CAPRIN2: variants seen among roughly 807,000 people sequenced by gnomAD.
CAPRIN2 encodes caprin family member 2, also known as caprin-2.
In CAPRIN2, 66 loss-of-function variants were observed where a neutral mutation model predicts 130.4. The observed-to-expected ratio is 0.51, with a 90% CI of 0.42 to 0.62. CAPRIN2 has a LOEUF of 0.62. Ranked by LOEUF, CAPRIN2 falls within the 20% of genes least tolerant of loss-of-function variation. CAPRIN2 has a pLI of 0.00. For missense variants in CAPRIN2, 1,185 were observed against 1,246.6 expected (o/e 0.95, Z 0.74); for synonymous variants, 471 against 444.1 (o/e 1.06, Z -0.76).
intron 10 of CAPRIN2, among the ~76,000 whole-genome samples, chr12:30,723,958 T>C (rs576719445): frequency 3.0e-4 from 45 of 152,344 alleles, no homozygotes; most frequent in Non-Finnish European, 5.1e-4. Flanking sequence ...CAGATTTGAA[T>C]GCAGGCTCTT....
chr12:30,729,289 A>G (rs2061849317), exon 8 of CAPRIN2: 1 of 1,592,176 alleles, frequency 6.3e-7, no homozygotes, highest in South Asian at 1.2e-5. Flanking sequence ...TGTTTGTTTG[A>G]ATAATCTACT....
At chr12:30,753,422 A>G in exon 1 of CAPRIN2, 1 of 1,614,004 alleles carries the variant, frequency 6.2e-7, no homozygotes, top group Non-Finnish European at 8.5e-7. Flanking sequence ...ACGCTTGGGA[A>G]GGAGATGCAG....
At position 30,734,882 on chromosome 12, in the gene CAPRIN2, ACACACTCT is replaced by A. The variant is rs771613181; in HGVS notation, c.809+78_809+85del. On this transcript the variant is annotated intron_variant, in intron 4 of 16. Coordinates refer to ENST00000298892, the Ensembl canonical transcript of CAPRIN2. ...CACACACACACACACACACACACAC[ACACACTCT>A]CTCTCTCACATACACACACCCCTAA... The A allele has an allele frequency of 9.3e-4, 637 of 685,458 alleles. 1 individual carries two copies. Among genetic ancestry groups the A allele is most frequent in the Non-Finnish European group, 1.3e-3 (500 of 389,060 alleles). 42.5% of individuals were successfully genotyped at this position (685,458 alleles called of 1,614,324 possible).
intron 5 of CAPRIN2, among the ~76,000 whole-genome samples, chr12:30,733,269 G>A (rs1414299334): frequency 6.6e-6 from 1 of 152,028 alleles, no homozygotes; most frequent in Non-Finnish European, 1.5e-5. Flanking sequence ...TGGTAGATAA[G>A]CCTTGATATT....
At chr12:30,732,803 A>T (rs2063179504) in intron 5 of CAPRIN2, among the ~76,000 whole-genome samples, 2 of 152,088 alleles carry the variant, frequency 1.3e-5, no homozygotes, top group Admixed American at 1.3e-4. Flanking sequence ...AATAAAGCTA[A>T]TATGAACATT....
At chr12:30,715,003 C>T (rs973578226) in exon 14 of CAPRIN2, 2 of 1,613,954 alleles carry the variant, frequency 1.2e-6, no homozygotes, top group Non-Finnish European at 1.7e-6. Flanking sequence ...TATTAATCTC[C>T]CACCACGAGT....
chr12:30,730,763 G>A (rs1177477105), intron 6 of CAPRIN2, among the ~76,000 whole-genome samples: 1 of 152,100 alleles, frequency 6.6e-6, no homozygotes, highest in Non-Finnish European at 1.5e-5. Flanking sequence ...CATGGAAAAT[G>A]GTTTCGCTCT....
intron 2 of CAPRIN2, among the ~76,000 whole-genome samples, chr12:30,747,467 C>T (rs1215953673): frequency 1.3e-5 from 2 of 151,996 alleles, no homozygotes; most frequent in Admixed American, 1.3e-4. Context: ...CACCTGTGGT[C>T]GGGAGTTCGA....
chr12:30,710,998 A>C lies in CAPRIN2; in HGVS notation c.2666-528T>G, dbSNP rs1428426110. Among the ~76,000 whole-genome samples, 3 of 152,220 alleles carry C rather than the reference A, an allele frequency of 2.0e-5. No individual in the cohort carries two copies. The highest frequency in any genetic ancestry group is 7.2e-5 in the African/African-American group (3 of 41,462). ...TTGTAATGTTTTAAGTGCCATACAA[A>C]AACACTGCTCACACTAAGGCAAAGG... On this transcript the variant is annotated intron_variant, in intron 16 of 16. Transcript: ENST00000298892. This position sits in a 1 kb window ranked among gnomAD's most constrained non-coding sequence, Gnocchi z 4.8.
At chr12:30,751,013 T>C (rs1162694323) in intron 2 of CAPRIN2, 58 bp downstream of exon 3, 1 of 1,218,710 alleles carries the variant, frequency 8.2e-7, no homozygotes, top group Admixed American at 1.7e-5. Context: ...TAAATCCATG[T>C]AGTTTTATTA....
intron 5 of CAPRIN2, among the ~76,000 whole-genome samples, chr12:30,732,988 T>A (rs2063254687): frequency 6.6e-6 from 1 of 152,156 alleles, no homozygotes; most frequent in Non-Finnish European, 1.5e-5. Flanking sequence ...TTGAACAAAC[T>A]TAGAAATCTT....
At chr12:30,749,280 G>T (rs908648545) in intron 2 of CAPRIN2, among the ~76,000 whole-genome samples, 1 of 152,142 alleles carries the variant, frequency 6.6e-6, no homozygotes, top group African/African-American at 2.4e-5. Flanking sequence ...GAAGTGGGAA[G>T]GATATTCTGT....
exon 5 of CAPRIN2, chr12:30,733,686 A>C (rs766866693): frequency 6.2e-7 from 1 of 1,613,600 alleles, no homozygotes; most frequent in South Asian, 1.1e-5. Flanking sequence ...AAGTACAAGG[A>C]TGACTGCTCC....
Position 30,720,873 on chromosome 12 carries a change from CCAAG to C in CAPRIN2, c.2082_2085del (p.Cys694TrpfsTer16). 1 of 1,613,696 alleles carries C rather than the reference CCAAG, an allele frequency of 6.2e-7. No individual in the cohort carries two copies. The highest frequency in any genetic ancestry group is 8.5e-7 in the Non-Finnish European group (1 of 1,179,738). Reference sequence around the variant, plus strand: ...CCAGAAGAAGCCTGATCGGTAGTAACCAAGCAAGCATTTGAGCTACAAGTAACTG... The same window carrying C: ...CCAGAAGAAGCCTGATCGGTAGTAACCAAGCATTTGAGCTACAAGTAACTG... On this transcript the variant is annotated frameshift_variant, in exon 12 of 17. Coordinates refer to ENST00000298892, the Ensembl canonical transcript of CAPRIN2. LOFTEE classifies it high-confidence loss of function.
chr12:30,734,774 G>A (rs1431340095), intron 4 of CAPRIN2, among the ~76,000 whole-genome samples, 194 bp downstream of exon 5: 4 of 151,548 alleles, frequency 2.6e-5, no homozygotes, highest in Non-Finnish European at 4.4e-5. Context: ...TGTCAACCCT[G>A]TCAGACTCTG....
chr12:30,718,115 A>T (rs1367835827), intron 12 of CAPRIN2, among the ~76,000 whole-genome samples: 1 of 152,216 alleles, frequency 6.6e-6, no homozygotes, highest in Non-Finnish European at 1.5e-5. Flanking sequence ...TCAGGGGACT[A>T]GTGTGACAGG....
rs2062250351 is a variant in CAPRIN2, at chr12:30,730,373, C to G, written c.1061-91G>C. 6.6e-6 allele frequency: 6 copies of G among 902,346 alleles called. No individual in the cohort carries two copies. In the South Asian group the frequency reaches 8.6e-5, roughly 13 times the overall value. The allele number at this position is 902,346 out of a possible 1,614,324, so 55.9% of individuals were successfully genotyped here. On this transcript the variant is annotated intron_variant, in intron 6 of 16. Coordinates refer to ENST00000298892, the Ensembl canonical transcript of CAPRIN2. ...TATAATTCATTCTAGCAACATATTT[C>G]AGAAGACTCGTAACAGAAAAAGGGT...
At chr12:30,726,614 C>T (rs751889017) in intron 8 of CAPRIN2, among the ~76,000 whole-genome samples, 6 of 152,118 alleles carry the variant, frequency 3.9e-5, no homozygotes, top group Non-Finnish European at 7.4e-5. Flanking sequence ...TGATATCCAT[C>T]CTAAATTGCT....
intron 2 of CAPRIN2, among the ~76,000 whole-genome samples, chr12:30,749,047 A>G (rs2072273285): frequency 6.6e-6 from 1 of 152,154 alleles, no homozygotes; most frequent in Non-Finnish European, 1.5e-5. Context: ...TGAGGTGAGA[A>G]CAGATCTCAC....
Sources: gnomAD v4.1 joint callset for allele counts (sites outside exome capture counted in the v4.1 genomes callset) on GRCh38, gnomAD v4.1.1 for gene constraint, Gnocchi (gnomAD v3.1) non-coding constraint, MANE v1.5 for transcripts, NCBI Gene and HGNC (gene_info 2026-07-23, HGNC 2026-07-21) for gene names.